ZFHX4: variants seen among roughly 807,000 people sequenced by gnomAD.
The protein encoded by ZFHX4 is zinc finger homeobox protein 4.
Under a neutral mutation model 267.6 loss-of-function variants are expected in ZFHX4, and 56 were observed. The observed-to-expected ratio is 0.21, with a 90% CI of 0.17 to 0.26. The LOEUF (loss-of-function observed/expected upper bound fraction) is 0.26. ZFHX4 is among the 10% of genes least tolerant of loss of function. The pLI, the probability that ZFHX4 is intolerant of heterozygous loss-of-function variation, is 1.00. For missense variants in ZFHX4, 4,332 were observed against 4,420.0 expected, an observed-to-expected ratio of 0.98 and a Z score of 0.56; for synonymous variants, 1,778 against 1,665.6, an observed-to-expected ratio of 1.07 and a Z score of -1.64.
chr8:76,717,825 G>C (rs2131633864), intron 3 of ZFHX4, among the ~76,000 whole-genome samples: 1 of 152,260 alleles, frequency 6.6e-6, no homozygotes, highest in East Asian at 1.9e-4. Flanking sequence ...TCGAACTCCT[G>C]GGCTCAGGTG....
Position 76,704,201 on chromosome 8 carries a change from T to G in ZFHX4, c.113T>G (p.Met38Arg). The change falls in exon 2 of 11, where the codon ATG (methionine) becomes AGG (arginine). Residue 38 changes from methionine (M) to arginine (R), a missense_variant. Physicochemically the swap from Met to Arg is moderately conservative, Grantham distance 91. Transcript: ENST00000651372. The stretch of plus-strand genomic sequence containing the variant: ...GAGGTGCCAGAGAAAGTTGCAGGGA[T>G]GGAGCCTGACAGGGAAAACAGCTCC... ...DNEVPEKVAG[M>R]EPDRENSSTD... 6.2e-7 allele frequency: 1 copy of G among 1,613,956 alleles called. No homozygotes were observed. The highest frequency in any genetic ancestry group is 8.5e-7 in the Non-Finnish European group (1 of 1,179,876).
In ZFHX4 at chr8:76,825,131, A is replaced by G. The variant is rs115527093; in HGVS notation, c.3326-8207A>G. ...ACTTATAAATACAATCTAAAAAGCC[A>G]TAGTACCAAATTGATATAGTCTTTT... is the stretch of plus-strand genomic sequence containing the variant. On this transcript the variant is annotated intron_variant, in intron 4 of 10. Coordinates refer to ENST00000651372, the MANE Select transcript of ZFHX4 (RefSeq NM_024721.5). Among the ~76,000 whole-genome samples the G allele has an allele frequency of 3.1e-3, 477 of 152,334 alleles. 2 individuals carry two copies. The highest frequency in any genetic ancestry group is 0.011 in the African/African-American group (452 of 41,566).
At position 76,706,195 on chromosome 8, in the gene ZFHX4, G is replaced by T. The variant is rs1266007787; in HGVS notation, c.2107G>T (p.Val703Phe). 6.2e-7 allele frequency: 1 copy of T among 1,614,062 alleles called. No homozygotes were observed. The change falls in exon 2 of 11, where the codon GTT (valine) becomes TTT (phenylalanine). Residue 703 changes from valine (V) to phenylalanine (F), a missense_variant. Coordinates refer to ENST00000651372, the MANE Select transcript of ZFHX4 (RefSeq NM_024721.5). ...TGGCTATAAACCCTTCCGTTGTGAG[G>T]TTTGTAACTACTCTACCACTACCAA... ...TCGYKPFRCE[V>F]CNYSTTTKGN...
chr8:76,775,522 G>C (rs1028548208), intron 3 of ZFHX4, among the ~76,000 whole-genome samples: 10 of 152,186 alleles, frequency 6.6e-5, no homozygotes, highest in African/African-American at 2.2e-4. Context: ...GAAAGCCCCT[G>C]ATGGGGTGAA....
intron 5 of ZFHX4, among the ~76,000 whole-genome samples, chr8:76,837,699 C>T (rs553837257): frequency 6.6e-6 from 1 of 152,152 alleles, no homozygotes; most frequent in South Asian, 2.1e-4. Context: ...GCTTTTGGCA[C>T]AAAGATGGAT....
chr8:76,787,144 T>C (rs1810712638), intron 4 of ZFHX4, among the ~76,000 whole-genome samples: 1 of 152,200 alleles, frequency 6.6e-6, no homozygotes, highest in Non-Finnish European at 1.5e-5. Context: ...TCAAATCTTA[T>C]TGGCATACTG....
At chr8:76,732,597 A>G (rs1809050682) in intron 3 of ZFHX4, among the ~76,000 whole-genome samples, 2 of 152,178 alleles carry the variant, frequency 1.3e-5, no homozygotes, top group South Asian at 4.1e-4. Flanking sequence ...AAACTAAGAA[A>G]ATAAAGCACA....
At chr8:76,772,412 A>G (rs1452561641) in intron 3 of ZFHX4, among the ~76,000 whole-genome samples, 1 of 152,154 alleles carries the variant, frequency 6.6e-6, no homozygotes, top group Non-Finnish European at 1.5e-5. Flanking sequence ...CGTTAATGGT[A>G]GTTAGAACTA....
At chr8:76,728,256 G>C (rs1003671396) in intron 3 of ZFHX4, among the ~76,000 whole-genome samples, 2 of 152,070 alleles carry the variant, frequency 1.3e-5, no homozygotes, top group Non-Finnish European at 2.9e-5. Flanking sequence ...TTCCCATCCT[G>C]GTCACGGTTA....
At position 76,744,494 on chromosome 8, in the gene ZFHX4, C is replaced by A. The variant is rs141967561; in HGVS notation, c.3094-33714C>A. ...GTGGTGCAATCTCAGCTCACGGCAA[C>A]CTACACCTCCCAGGTTCAAGCGATT... On this transcript the variant is annotated intron_variant, in intron 3 of 10. Transcript: ENST00000651372. 2.4e-3 allele frequency among the ~76,000 whole-genome samples: 369 copies of A among 152,074 alleles called. 1 individual carries two copies. The highest frequency in any genetic ancestry group is 8.2e-3 in the African/African-American group (340 of 41,496).
At position 76,705,145 on chromosome 8, in the gene ZFHX4, C is replaced by T; in HGVS notation, c.1057C>T (p.Leu353Phe). The T allele has an allele frequency of 1.2e-6, 2 of 1,613,832 alleles. No individual in the cohort carries two copies. Among genetic ancestry groups the T allele is most frequent in the South Asian group, 2.2e-5 (2 of 91,072 alleles). The stretch of plus-strand genomic sequence containing the variant: ...TTATCCCCATTTTTCTACTACAAAC[C>T]TCATAGGACCCGATCCAACCTTCCG... ...SVYPHFSTTN[L>F]IGPDPTFRGL... Residue 353 changes from leucine (L) to phenylalanine (F), a missense_variant, in exon 2 of 11, where the codon CTC becomes TTC. By Grantham distance (22) the Leu-to-Phe change is conservative (BLOSUM62 0). Coordinates refer to ENST00000651372, the MANE Select transcript of ZFHX4 (RefSeq NM_024721.5).
chr8:76,715,421 G>T (rs1481221644), intron 3 of ZFHX4, among the ~76,000 whole-genome samples: 1 of 145,366 alleles, frequency 6.9e-6, no homozygotes, highest in Non-Finnish European at 1.5e-5. Context: ...GGTGGAGGTT[G>T]CAGTGAGCCG....
intron 3 of ZFHX4, among the ~76,000 whole-genome samples, chr8:76,731,341 G>C (rs532774923): frequency 1.3e-5 from 2 of 152,156 alleles, no homozygotes; most frequent in Non-Finnish European, 2.9e-5. Context: ...TGTTTGGCTC[G>C]ATACTAGCAG....
intron 4 of ZFHX4, among the ~76,000 whole-genome samples, chr8:76,824,895 C>T (rs76060276): frequency 0.05 from 7,563 of 152,132 alleles, 279 homozygotes; most frequent in South Asian, 0.077. Flanking sequence ...AAACGCCAAG[C>T]CTTTACAAAT....
At chr8:76,700,538 C>T (rs1049473448) in intron 1 of ZFHX4, among the ~76,000 whole-genome samples, 6 of 152,298 alleles carry the variant, frequency 3.9e-5, no homozygotes, top group Admixed American at 3.3e-4. Flanking sequence ...ATTAGTCAGG[C>T]TCCTTGTAGG....
At position 76,853,084 on chromosome 8, in the gene ZFHX4, C is replaced by G. The variant is rs780240160; in HGVS notation, c.6163C>G (p.Pro2055Ala). The G allele has an allele frequency of 2.0e-6, 2 of 1,022,806 alleles. No homozygotes were observed. Among genetic ancestry groups the G allele is most frequent in the South Asian group, 2.8e-5 (2 of 71,622 alleles). The allele number at this position is 1,022,806 out of a possible 1,614,324, so 63.4% of individuals were successfully genotyped here. ...PPPPPPPPPP[P>A]PPPPPPSAPP... ...ACCACCTCCTCCTCCTCCTCCTCCT[C>G]CCCCCCCACCTCCTCCACCTTCTGC... The change falls in exon 10 of 11, where the codon CCC becomes GCC. Residue 2055 changes from proline (P) to alanine (A), a missense_variant. Coordinates refer to ENST00000651372, the MANE Select transcript of ZFHX4 (RefSeq NM_024721.5).
intron 3 of ZFHX4, among the ~76,000 whole-genome samples, chr8:76,763,808 G>A (rs1809981592): frequency 1.3e-5 from 2 of 152,090 alleles, no homozygotes; most frequent in Admixed American, 1.3e-4. Context: ...TGCTTAAAAT[G>A]TATATCCAAT....
chr8:76,710,341 A>C (rs534158270), intron 3 of ZFHX4, among the ~76,000 whole-genome samples: 1 of 152,322 alleles, frequency 6.6e-6, no homozygotes, highest in African/African-American at 2.4e-5. Context: ...CCACCTCTAA[A>C]CTGATTTCAG....
intron 4 of ZFHX4, among the ~76,000 whole-genome samples, chr8:76,791,362 T>G (rs1043858462): frequency 6.6e-6 from 1 of 152,164 alleles, no homozygotes; most frequent in Non-Finnish European, 1.5e-5. Flanking sequence ...ACCATTAATC[T>G]GATGTATTGA....
Sources: gnomAD v4.1 joint callset for allele counts (sites outside exome capture counted in the v4.1 genomes callset) on GRCh38, gnomAD v4.1.1 for gene constraint, MANE v1.5 for transcripts, NCBI Gene and HGNC (gene_info 2026-07-23, HGNC 2026-07-21) for gene names.